Variants in GTF3C1 observed in about 807,000 individuals in gnomAD.
GTF3C1 encodes general transcription factor 3C polypeptide 1.
A neutral mutation model predicts 226.7 loss-of-function variants in GTF3C1; 57 were observed. The ratio of observed to expected loss-of-function variants is 0.25; its 90% CI spans 0.20 to 0.31. The LOEUF is 0.31. Among genes scored for constraint, GTF3C1 ranks in the 10% least tolerant of loss-of-function variants. The pLI, the probability that GTF3C1 is intolerant of heterozygous loss-of-function variation, is 1.00. For missense variants in GTF3C1, 2,217 were observed against 2,776.1 expected (o/e 0.80, Z 4.53); for synonymous variants, 1,090 against 1,084.8 (o/e 1.00, Z -0.09).
chr16:27,526,564 C>T (rs1431707772), intron 6 of GTF3C1, among the ~76,000 whole-genome samples: 2 of 152,234 alleles, frequency 1.3e-5, no homozygotes, highest in Non-Finnish European at 2.9e-5. Flanking sequence ...CACCCAGTAT[C>T]CCCAAGTTTT....
Position 27,506,057 on chromosome 16 carries a change from C to T in GTF3C1, c.1612G>A (p.Ala538Thr). ...LKKQPPSFPG[A>T]AEERACQSLA... Reference sequence around the variant, plus strand: ...CTCTGGCAGGCTCTCTCTTCAGCAGCTCCTGGGAAGGAGGGCGGCTGCTTT... The same window carrying T: ...CTCTGGCAGGCTCTCTCTTCAGCAGTTCCTGGGAAGGAGGGCGGCTGCTTT... Residue 538 changes from alanine (A) to threonine (T), a missense_variant, in exon 10 of 37, where the codon GCT becomes ACT. Around this residue, in one of 12 missense-constraint regions of GTF3C1, gnomAD observed 173 missense variants for 207.2 expected, o/e 0.83. Coordinates refer to ENST00000356183, the MANE Select transcript of GTF3C1 (RefSeq NM_001520.4). 1 of 1,614,034 alleles carries T rather than the reference C, an allele frequency of 6.2e-7. No homozygotes were observed. The highest frequency in any genetic ancestry group is 8.5e-7 in the Non-Finnish European group (1 of 1,179,856).
At chr16:27,487,046 C>T (rs1433361923) in intron 23 of GTF3C1, among the ~76,000 whole-genome samples, 1 of 152,158 alleles carries the variant, frequency 6.6e-6, no homozygotes, top group Non-Finnish European at 1.5e-5. Flanking sequence ...AGGACAGACA[C>T]CATATGCCAC....
chr16:27,464,896 C>T (rs950202632), intron 33 of GTF3C1, 60 bp from the exon 34 acceptor site: 31 of 1,378,072 alleles, frequency 2.2e-5, no homozygotes, highest in Middle Eastern at 2.5e-4. Context: ...ACGCTGGTGA[C>T]GGGGGACGAG....
At chr16:27,525,565 A>G (rs2088820216) in intron 6 of GTF3C1, among the ~76,000 whole-genome samples, 1 of 152,254 alleles carries the variant, frequency 6.6e-6, no homozygotes, top group Non-Finnish European at 1.5e-5. Flanking sequence ...ACAGGTGGCC[A>G]GTGCTTCCAT....
At chr16:27,533,123 C>T (rs1048229612) in intron 5 of GTF3C1, among the ~76,000 whole-genome samples, 168 bp downstream of exon 5, 3 of 152,318 alleles carry the variant, frequency 2.0e-5, no homozygotes, top group Admixed American at 1.3e-4. Flanking sequence ...CAGAGCAAGA[C>T]TCTGTCTCAA....
At chr16:27,515,465 C>CA (rs74993489) in intron 6 of GTF3C1, among the ~76,000 whole-genome samples, 5,940 of 135,628 alleles carry the variant, frequency 0.044, 140 homozygotes, top group Middle Eastern at 0.11. Context: ...CAAAACACAA[C>CA]AAAAAAAAAA....
At chr16:27,466,795 A>G (rs1460070153) in intron 32 of GTF3C1, among the ~76,000 whole-genome samples, 1 of 152,246 alleles carries the variant, frequency 6.6e-6, no homozygotes, top group Non-Finnish European at 1.5e-5. Context: ...GCTGACATGG[A>G]GAAAGTTTCA....
intron 2 of GTF3C1, among the ~76,000 whole-genome samples, chr16:27,540,903 C>T (rs1048769903): frequency 6.6e-6 from 1 of 152,078 alleles, no homozygotes; most frequent in Admixed American, 6.5e-5. Context: ...TACAGTGACG[C>T]GATCTCAGCT....
At chr16:27,500,455 A>G (rs1344173568) in intron 12 of GTF3C1, among the ~76,000 whole-genome samples, 1 of 152,262 alleles carries the variant, frequency 6.6e-6, no homozygotes, top group African/African-American at 2.4e-5. Context: ...ATAAAAGCAG[A>G]AGAGCAAAAA....
At chr16:27,465,922 A>G (rs563381687) in intron 32 of GTF3C1, 43 of 259,958 alleles carry the variant, frequency 1.7e-4, no homozygotes, top group African/African-American at 9.1e-4. Context: ...CTGCTCATGT[A>G]CCCACTGTTC....
chr16:27,511,966 G>T, intron 6 of GTF3C1, 65 bp from the exon 7 acceptor site: 3 of 1,566,164 alleles, frequency 1.9e-6, no homozygotes, highest in Non-Finnish European at 2.6e-6. Flanking sequence ...GGAGGTGAGG[G>T]GTTCTGAAAT....
intron 25 of GTF3C1, chr16:27,483,530 T>C: frequency 2.2e-6 from 1 of 457,772 alleles, no homozygotes; most frequent in Non-Finnish European, 4.4e-6. Flanking sequence ...GTGTGTCCAC[T>C]CCACTAACCT....
chr16:27,483,215 G>T, intron 25 of GTF3C1, 90 bp from the exon 26 acceptor site: 1 of 1,269,416 alleles, frequency 7.9e-7, no homozygotes, highest in Non-Finnish European at 1.1e-6. Context: ...CATGTTTCTG[G>T]CCTTGGCCGA....
Position 27,538,172 on chromosome 16 carries a change from C to T in GTF3C1, c.608+8G>A. The T allele has an allele frequency of 6.5e-7, 1 of 1,532,632 alleles. No individual in the cohort carries two copies. The highest frequency in any genetic ancestry group is 2.3e-5 in the East Asian group (1 of 44,216). The allele number at this position is 1,532,632 out of a possible 1,614,324, so 94.9% of individuals were successfully genotyped here. A position where few individuals can be genotyped will look rare whatever the true frequency, so the allele number is the denominator to read the frequency against. On this transcript the variant is annotated splice_region_variant and intron_variant, in intron 3 of 36. Transcript: ENST00000356183. ...ATTTAAAGCAGAGAAGCAAATCCCC[C>T]CACTTACTTGAAAGCAGTGGTGTGA...
chr16:27,474,629 A>G (rs1277386226), intron 29 of GTF3C1, among the ~76,000 whole-genome samples: 22 of 152,226 alleles, frequency 1.4e-4, no homozygotes, highest in Admixed American at 1.4e-3. Flanking sequence ...GACCAATAAA[A>G]TACGGTCTGT....
chr16:27,511,637 C>A, intron 7 of GTF3C1, 112 bp downstream of exon 7: 1 of 1,156,000 alleles, frequency 8.7e-7, no homozygotes, highest in Non-Finnish European at 1.2e-6. Flanking sequence ...CAAGGCACTT[C>A]CCATTGTATT....
In GTF3C1 at chr16:27,484,274, GAT is replaced by G; in HGVS notation, c.3936_3937del (p.His1314PhefsTer20). On this transcript the variant is annotated frameshift_variant, in exon 25 of 37. Coordinates refer to ENST00000356183, the MANE Select transcript of GTF3C1 (RefSeq NM_001520.4). LOFTEE classifies it high-confidence loss of function. Reference sequence around the variant, plus strand: ...GCGAGCTCTTCGTCCAACGGAATGAGATGTTTTATCCAAAGACTCTTCAAACG... The same window carrying G: ...GCGAGCTCTTCGTCCAACGGAATGAGGTTTTATCCAAAGACTCTTCAAACG... The G allele has an allele frequency of 6.2e-7, 1 of 1,607,246 alleles. No individual in the cohort carries two copies. The highest frequency in any genetic ancestry group is 8.5e-7 in the Non-Finnish European group (1 of 1,173,704).
chr16:27,534,924 A>G (rs958817267), intron 4 of GTF3C1, among the ~76,000 whole-genome samples: 16 of 152,018 alleles, frequency 1.1e-4, no homozygotes, highest in Non-Finnish European at 4.4e-5. Context: ...GATTTGTGAC[A>G]GTTTGAGAAA....
At position 27,462,312 on chromosome 16, in the gene GTF3C1, G is replaced by A. The variant is rs769912973; in HGVS notation, c.6099C>T (p.Ala2033=). ...RHYQGVLQPV[A]VLELLQGLES... ...CCCACACCTGGAGCAACTCCAGCACGGCGACGGGCTGCAGGACCCCCTGGT... is the reference window on the plus strand; with the variant it reads ...CCCACACCTGGAGCAACTCCAGCACAGCGACGGGCTGCAGGACCCCCTGGT... Residue 2033 remains alanine (A), a synonymous_variant, in exon 36 of 37, where the codon GCC becomes GCT. Coordinates refer to ENST00000356183, the MANE Select transcript of GTF3C1 (RefSeq NM_001520.4). The surrounding 1 kb of genome is among the most constrained non-coding windows in gnomAD (Gnocchi z 4.5). 37 of 1,554,026 alleles carry A rather than the reference G, an allele frequency of 2.4e-5. No homozygotes were observed. Among genetic ancestry groups the A allele is most frequent in the African/African-American group, 1.8e-4 (13 of 73,188 alleles).
Sources: gnomAD v4.1 joint callset for allele counts (sites outside exome capture counted in the v4.1 genomes callset) on GRCh38, gnomAD v4.1.1 for gene constraint, gnomAD v4.1.1 regional missense constraint, Gnocchi (gnomAD v3.1) non-coding constraint, MANE v1.5 for transcripts, NCBI Gene and HGNC (gene_info 2026-07-23, HGNC 2026-07-21) for gene names.